The following ZNF157 variants were observed in gnomAD, a reference collection of about 807,000 sequenced individuals.
ZNF157 encodes zinc finger protein 157.
ZNF157 carries 8 observed loss-of-function variants against 9.4 expected under a neutral mutation model. The ratio of observed to expected loss-of-function variants is 0.85; its 90% CI spans 0.50 to 1.53. ZNF157 has a LOEUF of 1.53. Ranked by LOEUF, ZNF157 falls within the 40% of genes most tolerant of loss-of-function variation. The pLI is 0.00. For synonymous variants in ZNF157, 120 were observed against 130.8 expected (o/e 0.92, Z 0.56); for missense variants, 316 against 385.2 (o/e 0.82, Z 1.50).
intron 1 of ZNF157, among the ~76,000 whole-genome samples, chrX:47,395,106 G>A (rs1024328933): frequency 3.6e-5 from 4 of 110,486 alleles, no homozygotes; most frequent in Non-Finnish European, 7.6e-5. Flanking sequence ...TACAGGTGTG[G>A]AGGCATCACC....
intron 1 of ZNF157, among the ~76,000 whole-genome samples, chrX:47,405,848 T>A (rs781613537): frequency 3.6e-5 from 4 of 110,805 alleles, no homozygotes; most frequent in Non-Finnish European, 5.7e-5. Flanking sequence ...TTTTCATTTT[T>A]ATTTTTCAGT....
intron 1 of ZNF157, among the ~76,000 whole-genome samples, chrX:47,374,270 C>G (rs1027966557): frequency 1.2e-4 from 13 of 111,015 alleles, no homozygotes; most frequent in African/African-American, 3.9e-4. Flanking sequence ...GTTGTCACAG[C>G]ATGTTATGAG....
intron 1 of ZNF157, among the ~76,000 whole-genome samples, chrX:47,383,557 A>G (rs925195862): frequency 1.9e-5 from 2 of 104,982 alleles, no homozygotes; most frequent in African/African-American, 6.9e-5. Flanking sequence ...AAATAAAAAA[A>G]ATTAGCTGAG....
At chrX:47,385,544 C>CGTGTGTGTGTGTGTGTGT (rs10687283) in intron 1 of ZNF157, among the ~76,000 whole-genome samples, 2 of 90,372 alleles carry the variant, frequency 2.2e-5, no homozygotes, top group Non-Finnish European at 4.4e-5. Context: ...TAAGCGATTC[C>CGTGTGTGTGTGTGTGTGT]GTGTGTGTGT....
chrX:47,386,698 G>T (rs1358240205), intron 1 of ZNF157, among the ~76,000 whole-genome samples: 3 of 110,777 alleles, frequency 2.7e-5, no homozygotes, highest in Non-Finnish European at 5.7e-5. Context: ...GACCTCAAGT[G>T]ATCTGCCCAT....
chrX:47,377,000 A>G (rs1031209726), intron 1 of ZNF157, among the ~76,000 whole-genome samples: 8 of 111,456 alleles, frequency 7.2e-5, no homozygotes, highest in African/African-American at 2.6e-4. Context: ...GGAGACTACA[A>G]GATTCTGACC....
Position 47,413,608 on chromosome X carries a change from C to T in ZNF157, c.*14C>T. Reference sequence around the variant, plus strand: ...GCCTCTCACTGAAGACTTCCCTCACCATTGGATCAAGCTCCTTGGGGGCAT... The same window carrying T: ...GCCTCTCACTGAAGACTTCCCTCACTATTGGATCAAGCTCCTTGGGGGCAT... On this transcript the variant is annotated 3_prime_UTR_variant, in exon 4 of 4. Coordinates refer to ENST00000377073, the MANE Select transcript of ZNF157 (RefSeq NM_003446.4). 3.4e-6 allele frequency: 4 copies of T among 1,171,429 alleles called. No homozygotes were observed. Among genetic ancestry groups the T allele is most frequent in the Non-Finnish European group, 4.6e-6 (4 of 876,103 alleles).
chrX:47,398,956 G>A (rs1472425859), intron 1 of ZNF157, among the ~76,000 whole-genome samples: 1 of 111,370 alleles, frequency 9.0e-6, no homozygotes, highest in African/African-American at 3.3e-5. Context: ...ACAGGAGTGA[G>A]CCACTGCACC....
intron 1 of ZNF157, among the ~76,000 whole-genome samples, chrX:47,389,077 G>T (rs1213093502): frequency 1.8e-5 from 2 of 111,651 alleles, no homozygotes; most frequent in African/African-American, 6.5e-5. Context: ...CTCCCAAAGT[G>T]CTGGGAGTAC....
At chrX:47,375,697 C>CTT (rs59526891) in intron 1 of ZNF157, among the ~76,000 whole-genome samples, 34 of 96,533 alleles carry the variant, frequency 3.5e-4, no homozygotes, top group African/African-American at 1.3e-3. Flanking sequence ...GTAGTTTTGC[C>CTT]TTTTTTTTTT....
chrX:47,399,825 A>T (rs748678950), intron 1 of ZNF157, among the ~76,000 whole-genome samples: 1 of 110,721 alleles, frequency 9.0e-6, no homozygotes, highest in African/African-American at 3.3e-5. Context: ...GTTTACAGGC[A>T]TACACCATCA....
chrX:47,400,563 A>G (rs1052666028), intron 1 of ZNF157, among the ~76,000 whole-genome samples: 3 of 112,241 alleles, frequency 2.7e-5, no homozygotes, highest in African/African-American at 9.7e-5. Flanking sequence ...CTTTTTGCCC[A>G]TTGTTGGATA....
intron 1 of ZNF157, among the ~76,000 whole-genome samples, chrX:47,389,554 T>A (rs1321529629): frequency 9.0e-6 from 1 of 111,383 alleles, no homozygotes; most frequent in Admixed American, 9.7e-5. Context: ...TCTCCCTATG[T>A]TCCCCAGTCT....
chrX:47,406,581 G>C (rs189244995), intron 1 of ZNF157, among the ~76,000 whole-genome samples: 27 of 111,549 alleles, frequency 2.4e-4, no homozygotes, highest in African/African-American at 8.8e-4. Flanking sequence ...CGCCATGTTG[G>C]CTAGGCTGGT....
chrX:47,406,900 A>G (rs1222524891), intron 1 of ZNF157, among the ~76,000 whole-genome samples: 2 of 112,289 alleles, frequency 1.8e-5, no homozygotes, highest in Admixed American at 9.6e-5. Context: ...AGGATTCGTA[A>G]AAGTGGACGT....
chrX:47,398,727 G>T (rs1203098912), intron 1 of ZNF157, among the ~76,000 whole-genome samples: 1 of 109,379 alleles, frequency 9.1e-6, no homozygotes, highest in South Asian at 4.0e-4. Flanking sequence ...TGTCACTCAG[G>T]CTGGAATGCA....
Position 47,413,327 on chromosome X carries a change from ATG to A in ZNF157, c.1257_1258del (p.Cys419TrpfsTer24). On this transcript the variant is annotated frameshift_variant, in exon 4 of 4. Coordinates refer to ENST00000377073, the MANE Select transcript of ZNF157 (RefSeq NM_003446.4). LOFTEE classifies it low-confidence loss of function (END_TRUNC). Reference protein sequence around the residue: ...SGEKPYECSECGKIFSMKKSL... With the variant: ...SGEKPYECSEXGKIFSMKKSL... ...GAGAGAAACCCTACGAATGTAGTGA[ATG>A]TGGGAAAATCTTCAGTATGAAGAAA... 1 of 1,211,833 alleles carries A rather than the reference ATG, an allele frequency of 8.3e-7. No homozygotes were observed. Among genetic ancestry groups the A allele is most frequent in the Non-Finnish European group, 1.1e-6 (1 of 895,415 alleles).
chrX:47,398,656 T>A (rs1432690152), intron 1 of ZNF157, among the ~76,000 whole-genome samples: 2 of 109,840 alleles, frequency 1.8e-5, no homozygotes, highest in African/African-American at 6.6e-5. Context: ...TACAGGCTCA[T>A]GCCACCACAC....
chrX:47,396,196 A>G (rs1249863025), intron 1 of ZNF157, among the ~76,000 whole-genome samples: 1 of 110,462 alleles, frequency 9.1e-6, no homozygotes, highest in African/African-American at 3.3e-5. Flanking sequence ...GACTGAGGGA[A>G]GAGGATCCAG....
Sources: allele counts gnomAD v4.1 joint callset (sites outside exome capture counted in the v4.1 genomes callset), GRCh38; gene constraint gnomAD v4.1.1; transcripts MANE v1.5; gene names NCBI Gene and HGNC (gene_info 2026-07-23, HGNC 2026-07-21).